Variants in MACF1 observed in about 807,000 individuals in gnomAD.
MACF1 encodes the protein microtubule-actin cross-linking factor 1.
Under a neutral mutation model 854.8 loss-of-function variants are expected in MACF1, and 193 were observed. That is an observed-to-expected ratio of 0.23 (90% CI 0.20 to 0.25). The LOEUF (loss-of-function observed/expected upper bound fraction) is 0.25. Ranked by LOEUF, MACF1 falls within the 10% of genes least tolerant of loss-of-function variation. MACF1 has a pLI of 1.00. For missense variants in MACF1, 7,722 were observed against 8,929.1 expected (o/e 0.86, Z 5.45); for synonymous variants, 3,185 against 3,226.7 (o/e 0.99, Z 0.44).
At chr1:39,417,175 T>C (rs746107310) in intron 58 of MACF1, among the ~76,000 whole-genome samples, 9 of 152,170 alleles carry the variant, frequency 5.9e-5, no homozygotes, top group South Asian at 2.1e-4. Context: ...AAAATAGATA[T>C]AAACTTTGTA....
At position 39,380,244 on chromosome 1, in the gene MACF1, G is replaced by A. The variant is rs1390113489; in HGVS notation, c.13519G>A (p.Ala4507Thr). 4 of 1,612,234 alleles carry A rather than the reference G, an allele frequency of 2.5e-6. No individual in the cohort carries two copies. The highest frequency in any genetic ancestry group is 3.4e-6 in the Non-Finnish European group (4 of 1,179,288). ...TVKAQAESNKAFLAELEQNSP... is the reference protein window; with the variant it reads ...TVKAQAESNKTFLAELEQNSP... ...GCATGCATGGCATTCTTTCTCCTAG[G>A]CCTTCCTGGCTGAGTTGGAACAGAA... The change falls in exon 55 of 101, where the codon GCC becomes ACC. Residue 4507 changes from alanine (A) to threonine (T), a missense_variant and splice_region_variant. Ala to Thr is a moderately conservative substitution (Grantham distance 58, BLOSUM62 0). Around this residue, in one of 15 missense-constraint regions of MACF1, gnomAD observed 2,807 missense variants for 3,235.8 expected, o/e 0.87. Transcript: ENST00000564288.
At chr1:39,266,396 C>G (rs2148352695) in intron 6 of MACF1, among the ~76,000 whole-genome samples, 1 of 152,256 alleles carries the variant, frequency 6.6e-6, no homozygotes, top group South Asian at 2.1e-4. Context: ...CTCCCATGCT[C>G]TCTGCTTATT....
At position 39,204,976 on chromosome 1, in the gene MACF1, G is replaced by A. The variant is rs936587632; in HGVS notation, c.-47G>A. ...AGGAGAAAGGCATCCAGAGGCCTGC[G>A]CTGAGCTTGTGGCTAACTCAAGGGA... On this transcript the variant is annotated 5_prime_UTR_variant, in exon 1 of 101. Transcript: ENST00000564288. The A allele has an allele frequency of 2.6e-5, 18 of 702,052 alleles. No homozygotes were observed. Among genetic ancestry groups the A allele is most frequent in the Admixed American group, 2.2e-4 (11 of 49,966 alleles). The allele number at this position is 702,052 out of a possible 1,614,324, so 43.5% of individuals were successfully genotyped here. A position where few individuals can be genotyped will look rare whatever the true frequency, so the allele number is the denominator to read the frequency against.
At chr1:39,477,866 T>C (rs1644939211) in intron 97 of MACF1, among the ~76,000 whole-genome samples, 1 of 152,048 alleles carries the variant, frequency 6.6e-6, no homozygotes, top group South Asian at 2.1e-4. Context: ...AGGGAACATA[T>C]CACCATTATG....
chr1:39,411,482 AGT>A (rs1557638363), intron 58 of MACF1: 1 of 1,613,548 alleles, frequency 6.2e-7, no homozygotes. Flanking sequence ...GCCAAGGACC[AGT>A]TGGCTACTGT....
At chr1:39,144,270 G>A (rs1444714107) in intron 2 of MACF1, among the ~76,000 whole-genome samples, 1 of 151,738 alleles carries the variant, frequency 6.6e-6, no homozygotes, top group Non-Finnish European at 1.5e-5. Context: ...TAGGAGAAGC[G>A]GGGTTTCACC....
At chr1:39,403,831 A>G (rs892091003) in intron 58 of MACF1, among the ~76,000 whole-genome samples, 7 of 125,304 alleles carry the variant, frequency 5.6e-5, no homozygotes, top group Non-Finnish European at 9.6e-5. Context: ...CTCATTTAAA[A>G]ATTTTTGGGC....
At position 39,319,657 on chromosome 1, in the gene MACF1, T is replaced by C; in HGVS notation, c.3946-7T>C. The C allele has an allele frequency of 6.2e-7, 1 of 1,608,948 alleles. No homozygotes were observed. Among genetic ancestry groups the C allele is most frequent in the Non-Finnish European group, 8.5e-7 (1 of 1,176,040 alleles). On this transcript the variant is annotated splice_polypyrimidine_tract_variant and splice_region_variant and intron_variant, in intron 30 of 100. Coordinates refer to ENST00000564288, the MANE Select transcript of MACF1 (RefSeq NM_001394062.1). ...CAATGATAATGTTGTGATATTTTGC[T>C]TCCTAGGCCCTATTTGCAGAAATTG... is the stretch of plus-strand genomic sequence containing the variant.
chr1:39,467,889 A>G (rs1644702065), intron 95 of MACF1: 2 of 152,238 alleles, frequency 1.3e-5, no homozygotes, highest in South Asian at 2.1e-4. Flanking sequence ...ACTATTTTCC[A>G]TTTAGCTTTA....
At chr1:39,096,253 GAGGGC>G (rs1641934361) in intron 2 of MACF1, among the ~76,000 whole-genome samples, 1 of 151,872 alleles carries the variant, frequency 6.6e-6, no homozygotes, top group African/African-American at 2.4e-5. Context: ...CAGGTGAAAG[GAGGGC>G]AGGAGGGCAG....
intron 58 of MACF1, among the ~76,000 whole-genome samples, chr1:39,393,211 A>G (rs1642124534): frequency 7.2e-6 from 1 of 138,762 alleles, no homozygotes; most frequent in South Asian, 2.2e-4. Flanking sequence ...ATATATATAT[A>G]TATATATATA....
chr1:39,248,243 G>A (rs1322286646), intron 2 of MACF1, among the ~76,000 whole-genome samples: 6 of 151,986 alleles, frequency 3.9e-5, no homozygotes, highest in South Asian at 2.1e-4. Context: ...CTTCGAGGAA[G>A]TCTTTACGTA....
chr1:39,263,975 G>A (rs543051183), intron 6 of MACF1, among the ~76,000 whole-genome samples: 8 of 151,796 alleles, frequency 5.3e-5, no homozygotes, highest in East Asian at 1.9e-4. Context: ...GGGTTTCACC[G>A]TGTTAGCCAG....
chr1:39,434,385 CCTT>C lies in MACF1; in HGVS notation c.17566-28_17566-26del. On this transcript the variant is annotated intron_variant, in intron 68 of 100. Transcript: ENST00000564288. ...AAGAGTTTATAATAGTAATACTTAT[CCTT>C]TTTTTTTTTTTTTTTGCTCACATAG... 7.1e-6 allele frequency: 8 copies of C among 1,134,688 alleles called. No homozygotes were observed. The African/African-American group carries it at 1.4e-4, about 20-fold the overall frequency. 70.3% of individuals were successfully genotyped at this position (1,134,688 alleles called of 1,614,324 possible). A position where few individuals can be genotyped will look rare whatever the true frequency, so the allele number is the denominator to read the frequency against.
chr1:39,181,331 G>A (rs1644102397), intron 2 of MACF1, among the ~76,000 whole-genome samples: 1 of 152,222 alleles, frequency 6.6e-6, no homozygotes, highest in Admixed American at 6.5e-5. Context: ...CCGAGTATTA[G>A]TAAAGAGTGG....
intron 58 of MACF1, among the ~76,000 whole-genome samples, chr1:39,391,134 A>T (rs930777946): frequency 6.6e-6 from 1 of 151,718 alleles, no homozygotes; most frequent in Non-Finnish European, 1.5e-5. Context: ...CACACAAAAT[A>T]GTTTCATCTA....
At chr1:39,353,673 C>T (rs556448316) in intron 44 of MACF1, among the ~76,000 whole-genome samples, 4 of 152,260 alleles carry the variant, frequency 2.6e-5, no homozygotes, top group Admixed American at 6.5e-5. Context: ...CCCATAAGCA[C>T]ATCAGCCTGA....
intron 6 of MACF1, among the ~76,000 whole-genome samples, chr1:39,275,732 A>G (rs973860186): frequency 4.6e-5 from 7 of 152,098 alleles, no homozygotes; most frequent in Non-Finnish European, 1.0e-4. Flanking sequence ...TTCCATTCTA[A>G]TTATATTCCC....
rs571889905 is a variant in MACF1 at position 39,454,864 on chromosome 1, G to A, written c.20887-45G>A. ...AAAAAGGGCTTTGGAAACAAAGGGG[G>A]TATGCTTGACTGAAAGAGGCCATGG... On this transcript the variant is annotated intron_variant, in intron 88 of 100. Transcript: ENST00000564288. 3 of 1,526,928 alleles carry A rather than the reference G, an allele frequency of 2.0e-6. No individual in the cohort carries two copies. In the South Asian group the frequency reaches 3.6e-5, roughly 18 times the overall value. The allele number at this position is 1,526,928 out of a possible 1,614,324, so 94.6% of individuals were successfully genotyped here.
Sources: allele counts gnomAD v4.1 joint callset (sites outside exome capture counted in the v4.1 genomes callset), GRCh38; gene constraint gnomAD v4.1.1; regional missense constraint gnomAD v4.1.1; transcripts MANE v1.5; gene names NCBI Gene and HGNC (gene_info 2026-07-23, HGNC 2026-07-21).